Variants in PLXDC1 observed in about 807,000 individuals in gnomAD.
PLXDC1 encodes plexin domain containing 1, also known as plexin domain-containing protein 1.
PLXDC1 carries 39 observed loss-of-function variants against 61.3 expected under a neutral mutation model. That is an observed-to-expected ratio of 0.64 (90% CI 0.49 to 0.83). The LOEUF is 0.83. Among genes scored for constraint, PLXDC1 ranks in the 40% least tolerant of loss-of-function variants. The probability of loss-of-function intolerance (pLI) is 0.00; values close to 1 mark genes in which losing one functional copy is unlikely to be tolerated. For synonymous variants in PLXDC1, 212 were observed against 254.5 expected (o/e 0.83, Z 1.59); for missense variants, 596 against 666.5 (o/e 0.89, Z 1.17).
chr17:39,085,366 G>A (rs1307150489), intron 8 of PLXDC1, among the ~76,000 whole-genome samples: 1 of 152,242 alleles, frequency 6.6e-6, no homozygotes. Context: ...GCAGGAGGAT[G>A]AGCACTCTCT....
intron 2 of PLXDC1, chr17:39,111,867 AC>A (rs940239667): frequency 6.6e-6 from 1 of 152,262 alleles, no homozygotes; most frequent in African/African-American, 2.4e-5. Flanking sequence ...TCGGGAGGGT[AC>A]CCAGAGGGGG....
At chr17:39,079,758 T>G (rs1909483249) in intron 9 of PLXDC1, 1 of 349,432 alleles carries the variant, frequency 2.9e-6, no homozygotes, top group Non-Finnish European at 5.7e-6. Context: ...GAGAATGTTC[T>G]CCATGCATCA....
At chr17:39,068,925 C>T (rs1191085938) in intron 13 of PLXDC1, among the ~76,000 whole-genome samples, 4 of 152,110 alleles carry the variant, frequency 2.6e-5, no homozygotes, top group Non-Finnish European at 4.4e-5. Flanking sequence ...TCGTAAGAAG[C>T]CAGAAGTGGA....
At position 39,109,449 on chromosome 17, in the gene PLXDC1, G is replaced by A. The variant is rs1910718585; in HGVS notation, c.256-58C>T. 32 of 1,535,402 alleles carry A rather than the reference G, an allele frequency of 2.1e-5. No homozygotes were observed. In the South Asian group the frequency reaches 3.9e-4, roughly 18 times the overall value. ...TGTGAGTAGTCAGCATGCCAGGACT[G>A]ACTCTCCGCCCTTCCCCACTCAGAT... On this transcript the variant is annotated intron_variant, in intron 2 of 13. Coordinates refer to ENST00000315392, the MANE Select transcript of PLXDC1 (RefSeq NM_020405.5).
intron 2 of PLXDC1, among the ~76,000 whole-genome samples, chr17:39,129,708 G>GGA: frequency 7.6e-6 from 1 of 131,324 alleles, no homozygotes; most frequent in Admixed American, 8.2e-5. Context: ...AAGAAAGAAA[G>GGA]AAGGAAAGAA....
intron 2 of PLXDC1, among the ~76,000 whole-genome samples, chr17:39,130,187 T>C (rs893481542): frequency 6.6e-6 from 1 of 152,102 alleles, no homozygotes; most frequent in Non-Finnish European, 1.5e-5. Context: ...GCACGGTGGC[T>C]CATGCCTGTA....
At chr17:39,116,534 G>A (rs1454833708) in intron 2 of PLXDC1, among the ~76,000 whole-genome samples, 1 of 152,218 alleles carries the variant, frequency 6.6e-6, no homozygotes, top group Non-Finnish European at 1.5e-5. Context: ...GCCACTTGTG[G>A]AGGAACCAGC....
chr17:39,077,212 G>A (rs1034925530), intron 11 of PLXDC1, among the ~76,000 whole-genome samples: 13 of 152,154 alleles, frequency 8.5e-5, no homozygotes, highest in African/African-American at 3.1e-4. Flanking sequence ...GAATGTCTCA[G>A]ACATAGCTAC....
chr17:39,111,371 G>A (rs1225044968), intron 2 of PLXDC1, among the ~76,000 whole-genome samples: 2 of 152,136 alleles, frequency 1.3e-5, no homozygotes, highest in African/African-American at 2.4e-5. Flanking sequence ...TGCAACCTCC[G>A]TCTCCCGGGT....
chr17:39,128,151 GTGTATATATA>G lies in PLXDC1; in HGVS notation c.255+11493_255+11502del, dbSNP rs1288835834. ...TGTGTATATATATGTATATATATGT[GTGTATATATA>G]TGTATATATATGTATATATATATGT... On this transcript the variant is annotated intron_variant, in intron 2 of 13. Coordinates refer to ENST00000315392, the MANE Select transcript of PLXDC1 (RefSeq NM_020405.5). Among the ~76,000 whole-genome samples, 11 of 27,466 alleles carry G rather than the reference GTGTATATATA, an allele frequency of 4.0e-4. 1 individual carries two copies. Among genetic ancestry groups the G allele is most frequent in the Non-Finnish European group, 7.3e-4 (10 of 13,762 alleles). 18.0% of individuals were successfully genotyped at this position (27,466 alleles called of 152,430 possible).
chr17:39,078,155 C>G (rs915601105), intron 10 of PLXDC1, 107 bp from the exon 11 acceptor site: 13 of 1,154,616 alleles, frequency 1.1e-5, no homozygotes, highest in Non-Finnish European at 1.6e-5. Flanking sequence ...GCTTCAAATC[C>G]TTCCTCAAGG....
intron 9 of PLXDC1, 26 bp downstream of exon 9, chr17:39,083,433 G>A (rs1354637053): frequency 6.3e-7 from 1 of 1,599,030 alleles, no homozygotes; most frequent in East Asian, 2.2e-5. Flanking sequence ...GCCAGTGGGA[G>A]TCAGCAGGTA....
chr17:39,067,518 A>C lies in PLXDC1; in HGVS notation c.*322T>G. On this transcript the variant is annotated 3_prime_UTR_variant, in exon 14 of 14. Coordinates refer to ENST00000315392, the MANE Select transcript of PLXDC1 (RefSeq NM_020405.5). Reference sequence around the variant, plus strand: ...TCCTAGCCTAGGTGCAGGAATAGGTAAAGGCCCCTTAAACAAAAATGGAGT... The same window carrying C: ...TCCTAGCCTAGGTGCAGGAATAGGTCAAGGCCCCTTAAACAAAAATGGAGT... 9.1e-6 allele frequency: 2 copies of C among 218,810 alleles called. No individual in the cohort carries two copies. Among genetic ancestry groups the C allele is most frequent in the Non-Finnish European group, 9.1e-6 (1 of 109,848 alleles). The allele number at this position is 218,810 out of a possible 1,614,324, so 13.6% of individuals were successfully genotyped here. A position where few individuals can be genotyped will look rare whatever the true frequency, so the allele number is the denominator to read the frequency against.
rs190098574 is a variant in PLXDC1 at position 39,121,693 on chromosome 17, G to A, written c.256-12302C>T. ...TCTCCTTCTTCCTTGAGTTGCAGAGGCTCCCAGTTATAGCTAGGCACACAG... is the reference window on the plus strand; with the variant it reads ...TCTCCTTCTTCCTTGAGTTGCAGAGACTCCCAGTTATAGCTAGGCACACAG... On this transcript the variant is annotated intron_variant, in intron 2 of 13. Transcript: ENST00000315392. Among the ~76,000 whole-genome samples, 13 of 152,240 alleles carry A rather than the reference G, an allele frequency of 8.5e-5. No individual in the cohort carries two copies. The East Asian group carries it at 2.5e-3, about 29-fold the overall frequency.
Position 39,109,393 on chromosome 17 carries a change from T to A in PLXDC1, c.256-2A>T. 1 of 1,583,138 alleles carries A rather than the reference T, an allele frequency of 6.3e-7. No individual in the cohort carries two copies. The highest frequency in any genetic ancestry group is 1.2e-5 in the South Asian group (1 of 86,708). ...CACATAATAGCTGTGGTTGTCCTCC[T>A]GCCGGCACCCAAGATAAAGCCCACA... On this transcript the variant is annotated splice_acceptor_variant, in intron 2 of 13. Coordinates refer to ENST00000315392, the MANE Select transcript of PLXDC1 (RefSeq NM_020405.5). LOFTEE classifies it high-confidence loss of function.
chr17:39,109,170 T>C, intron 3 of PLXDC1, 78 bp downstream of exon 3: 1 of 1,522,980 alleles, frequency 6.6e-7, no homozygotes, highest in Non-Finnish European at 8.9e-7. Context: ...GCCACAGCCA[T>C]GCCCACTGAC....
At chr17:39,093,937 C>T (rs1053976210) in intron 7 of PLXDC1, among the ~76,000 whole-genome samples, 3 of 152,178 alleles carry the variant, frequency 2.0e-5, no homozygotes, top group African/African-American at 7.2e-5. Flanking sequence ...GAGCCCCGCA[C>T]ACGCATGTGC....
At position 39,113,731 on chromosome 17, in the gene PLXDC1, G is replaced by T. The variant is rs148514747; in HGVS notation, c.256-4340C>A. 2.1e-3 allele frequency among the ~76,000 whole-genome samples: 323 copies of T among 152,088 alleles called. 6 individuals carry two copies. The East Asian group carries it at 0.04, about 19-fold the overall frequency. ...CTGGGTATGGTGGTGCATGCCTGTA[G>T]TCCCAGCAACTCAGGAGGCTGAGGC... On this transcript the variant is annotated intron_variant, in intron 2 of 13. Coordinates refer to ENST00000315392, the MANE Select transcript of PLXDC1 (RefSeq NM_020405.5).
At chr17:39,117,345 G>A (rs1473057068) in intron 2 of PLXDC1, among the ~76,000 whole-genome samples, 1 of 152,184 alleles carries the variant, frequency 6.6e-6, no homozygotes, top group Non-Finnish European at 1.5e-5. Context: ...CAGCTGGGGG[G>A]TAGGATTATC....
Sources: allele counts gnomAD v4.1 joint callset (sites outside exome capture counted in the v4.1 genomes callset), GRCh38; gene constraint gnomAD v4.1.1; transcripts MANE v1.5; gene names NCBI Gene and HGNC (gene_info 2026-07-23, HGNC 2026-07-21).